ANKFN1: variants seen among roughly 807,000 people sequenced by gnomAD.
The protein encoded by ANKFN1 is ankyrin repeat and fibronectin type III domain containing 1.
In ANKFN1, 74 loss-of-function variants were observed where a neutral mutation model predicts 108.7. That is an observed-to-expected ratio of 0.68 (90% confidence interval 0.56 to 0.83). The LOEUF is 0.83. Ranked by LOEUF, ANKFN1 falls within the 40% of genes least tolerant of loss-of-function variation. ANKFN1 has a pLI of 0.00. For missense variants in ANKFN1, 1,505 were observed against 1,382.3 expected, an observed-to-expected ratio of 1.09 and a Z score of -1.41; for synonymous variants, 547 against 516.2, an observed-to-expected ratio of 1.06 and a Z score of -0.81.
At chr17:56,238,247 C>G (rs975872215) in intron 3 of ANKFN1, among the ~76,000 whole-genome samples, 4 of 152,044 alleles carry the variant, frequency 2.6e-5, no homozygotes, top group Admixed American at 2.6e-4. Flanking sequence ...AATGTATATT[C>G]TGTTGTTGGG....
intron 1 of ANKFN1, among the ~76,000 whole-genome samples, chr17:56,153,967 A>C (rs1440517118): frequency 6.6e-6 from 1 of 151,848 alleles, no homozygotes; most frequent in Non-Finnish European, 1.5e-5. Flanking sequence ...TCTCTCTCTC[A>C]CTTTTTATGG....
intron 1 of ANKFN1, chr17:56,207,080 TC>T (rs1403578462): frequency 6.6e-6 from 1 of 152,142 alleles, no homozygotes; most frequent in African/African-American, 2.4e-5. Flanking sequence ...AGAGTTTCAA[TC>T]TTGTTCTACT....
chr17:56,099,957 G>T (rs1347241402), intron 4 of ANKFN1, among the ~76,000 whole-genome samples: 1 of 152,232 alleles, frequency 6.6e-6, no homozygotes, highest in African/African-American at 2.4e-5. Context: ...TGAGAGAAAT[G>T]AGCAGAAGAG....
chr17:56,445,775 T>C (rs2049267960), intron 10 of ANKFN1, among the ~76,000 whole-genome samples: 1 of 152,222 alleles, frequency 6.6e-6, no homozygotes, highest in Admixed American at 6.5e-5. Flanking sequence ...ACTTATGTTA[T>C]ATGGTATGGT....
chr17:56,231,349 C>CT (rs1916719887), intron 3 of ANKFN1, among the ~76,000 whole-genome samples: 1 of 152,190 alleles, frequency 6.6e-6, no homozygotes, highest in African/African-American at 2.4e-5. Flanking sequence ...TTTTCTTCCC[C>CT]TTCCCTATGG....
intron 1 of ANKFN1, among the ~76,000 whole-genome samples, chr17:56,162,384 AG>A (rs1259148801): frequency 6.6e-6 from 1 of 152,160 alleles, no homozygotes; most frequent in Non-Finnish European, 1.5e-5. Context: ...GTTTCTTCTG[AG>A]GACTATGAGG....
chr17:56,211,019 T>C (rs1914955645), intron 1 of ANKFN1, among the ~76,000 whole-genome samples: 1 of 152,234 alleles, frequency 6.6e-6, no homozygotes, highest in African/African-American at 2.4e-5. Context: ...GTCAGATGTA[T>C]AGATTGCAAA....
chr17:56,119,004 G>C (rs950074642), intron 4 of ANKFN1, among the ~76,000 whole-genome samples: 1 of 152,118 alleles, frequency 6.6e-6, no homozygotes, highest in Non-Finnish European at 1.5e-5. Context: ...ATGGAGGTTC[G>C]AGGAGGTGAA....
At chr17:56,353,032 A>T (rs936370832) in intron 5 of ANKFN1, among the ~76,000 whole-genome samples, 1 of 152,164 alleles carries the variant, frequency 6.6e-6, no homozygotes, top group Non-Finnish European at 1.5e-5. Context: ...ACCTGTGCTA[A>T]CATTACCTAT....
chr17:56,510,842 A>C lies in ANKFN1; in HGVS notation c.3014A>C (p.His1005Pro), dbSNP rs1598742900. The change falls in exon 21 of 21, where the codon CAC (histidine) becomes CCC (proline). Residue 1005 changes from histidine to proline, a missense_variant. By Grantham distance (77) the His-to-Pro change is moderately conservative. Coordinates refer to ENST00000682825, the MANE Select transcript of ANKFN1 (RefSeq NM_001370326.1). ...GFLGKRKPGK[H>P]PHYGGFSRHH... Reference sequence around the variant, plus strand: ...CTGGGAAAGCGGAAGCCAGGCAAGCACCCCCACTATGGCGGCTTCAGCCGC... The same window carrying C: ...CTGGGAAAGCGGAAGCCAGGCAAGCCCCCCCACTATGGCGGCTTCAGCCGC... 6.5e-7 allele frequency: 1 copy of C among 1,535,926 alleles called. No homozygotes were observed. Among genetic ancestry groups the C allele is most frequent in the Non-Finnish European group, 8.7e-7 (1 of 1,146,852 alleles).
At chr17:56,094,504 G>C (rs7221448) in intron 4 of ANKFN1, among the ~76,000 whole-genome samples, 1 of 104,996 alleles carries the variant, frequency 9.5e-6, no homozygotes, top group Non-Finnish European at 1.8e-5. Flanking sequence ...TTTTTGAGGC[G>C]AAGTCTTGTT....
intron 4 of ANKFN1, among the ~76,000 whole-genome samples, chr17:56,113,939 T>C (rs527785641): frequency 6.6e-6 from 1 of 152,238 alleles, no homozygotes; most frequent in South Asian, 2.1e-4. Context: ...TATCTTCTAA[T>C]TGCAAACTAA....
At chr17:56,298,887 A>G (rs2044593610) in intron 3 of ANKFN1, among the ~76,000 whole-genome samples, 8 of 152,226 alleles carry the variant, frequency 5.3e-5, no homozygotes, top group Admixed American at 5.2e-4. Flanking sequence ...GCATTTATAC[A>G]GGAGAGTTAA....
intron 3 of ANKFN1, among the ~76,000 whole-genome samples, chr17:56,291,479 C>T (rs1366813166): frequency 6.6e-6 from 1 of 152,172 alleles, no homozygotes; most frequent in Non-Finnish European, 1.5e-5. Context: ...ACCCAGATGT[C>T]TAATAGCCAC....
At chr17:56,244,744 A>G (rs1418735385) in intron 3 of ANKFN1, among the ~76,000 whole-genome samples, 1 of 152,160 alleles carries the variant, frequency 6.6e-6, no homozygotes, top group Non-Finnish European at 1.5e-5. Context: ...TATAGAGCGT[A>G]AAGAGACCAA....
intron 3 of ANKFN1, among the ~76,000 whole-genome samples, chr17:56,303,842 G>A (rs932900739): frequency 4.2e-5 from 6 of 142,356 alleles, no homozygotes; most frequent in South Asian, 4.4e-4. Flanking sequence ...ACACCACCAC[G>A]CTGAGCCAAT....
intron 3 of ANKFN1, among the ~76,000 whole-genome samples, chr17:56,317,443 A>G (rs532341245): frequency 1.9e-4 from 29 of 152,306 alleles, no homozygotes; most frequent in African/African-American, 7.0e-4. Flanking sequence ...GAATTTAACA[A>G]AGGCTAAAAA....
chr17:56,124,604 T>A (rs1182310021), intron 4 of ANKFN1, among the ~76,000 whole-genome samples: 1 of 152,210 alleles, frequency 6.6e-6, no homozygotes, highest in African/African-American at 2.4e-5. Context: ...AGTCAAATCC[T>A]AACCTAGGGT....
intron 3 of ANKFN1, among the ~76,000 whole-genome samples, chr17:56,315,141 A>G (rs1344054615): frequency 6.6e-6 from 1 of 152,352 alleles, no homozygotes; most frequent in South Asian, 2.1e-4. Context: ...GCCACATTGC[A>G]GTAAGTTAAT....
Sources: allele counts gnomAD v4.1 joint callset (sites outside exome capture counted in the v4.1 genomes callset), GRCh38; gene constraint gnomAD v4.1.1; transcripts MANE v1.5; gene names NCBI Gene and HGNC (gene_info 2026-07-23, HGNC 2026-07-21).